CDS1: variants seen among roughly 807,000 people sequenced by gnomAD.
The protein encoded by CDS1 is phosphatidate cytidylyltransferase 1.
CDS1 carries 41 observed loss-of-function variants against 62.1 expected under a neutral mutation model. The ratio of observed to expected loss-of-function variants is 0.66; its 90% CI spans 0.51 to 0.86. The LOEUF is 0.86. CDS1 is among the 40% of genes least tolerant of loss of function. The pLI is 0.00. For synonymous variants in CDS1, 185 were observed against 192.6 expected, an observed-to-expected ratio of 0.96 and a Z score of 0.32; for missense variants, 470 against 550.1, an observed-to-expected ratio of 0.85 and a Z score of 1.46.
rs568007423 is a variant in CDS1, at chr4:84,599,186, G to A, written c.118-5057G>A. ...GACAGATAACTTGCTGTGTCCTCCC[G>A]TGGTGGAGAGATTATTTCTTGTGCC... On this transcript the variant is annotated intron_variant, in intron 1 of 12. Coordinates refer to ENST00000295887, the MANE Select transcript of CDS1 (RefSeq NM_001263.4). Among the ~76,000 whole-genome samples, 9 of 152,010 alleles carry A rather than the reference G, an allele frequency of 5.9e-5. No individual in the cohort carries two copies. In the South Asian group the frequency reaches 1.0e-3, roughly 18 times the overall value.
Position 84,621,190 on chromosome 4 carries a change from A to C in CDS1, c.580+1657A>C, listed in dbSNP as rs556684712. On this transcript the variant is annotated intron_variant, in intron 5 of 12. Transcript: ENST00000295887. Reference sequence around the variant, plus strand: ...TTTATTGTTATTTTCACTTTAAAAGAAGGACATGAAGTTTGTTTGTGAGTT... The same window carrying C: ...TTTATTGTTATTTTCACTTTAAAAGCAGGACATGAAGTTTGTTTGTGAGTT... Among the ~76,000 whole-genome samples, 173 of 152,370 alleles carry C rather than the reference A, an allele frequency of 1.1e-3. 1 individual carries two copies. Among genetic ancestry groups the C allele is most frequent in the Middle Eastern group, 6.8e-3 (2 of 294 alleles).
intron 9 of CDS1, among the ~76,000 whole-genome samples, chr4:84,639,952 C>T (rs542753430): frequency 4.0e-5 from 6 of 151,370 alleles, no homozygotes; most frequent in Admixed American, 1.3e-4. Context: ...CATTACAAAG[C>T]GAGAATAATT....
chr4:84,619,372 G>T, intron 4 of CDS1, 22 bp from the exon 5 acceptor site: 1 of 1,340,230 alleles, frequency 7.5e-7, no homozygotes, highest in Non-Finnish European at 1.0e-6. Flanking sequence ...ATATAGAAAA[G>T]CTAATTGTTT....
rs1396891629 is a variant in CDS1, at chr4:84,633,957, T to C, written c.722+18T>C. On this transcript the variant is annotated intron_variant, in intron 7 of 12. Coordinates refer to ENST00000295887, the MANE Select transcript of CDS1 (RefSeq NM_001263.4). Reference sequence around the variant, plus strand: ...ATGATATGGTAAGGCAACAGAATTATGCTGCTTTATAAGTATGTCATAGCA... The same window carrying C: ...ATGATATGGTAAGGCAACAGAATTACGCTGCTTTATAAGTATGTCATAGCA... 1.4e-6 allele frequency: 2 copies of C among 1,470,712 alleles called. No homozygotes were observed. The highest frequency in any genetic ancestry group is 1.4e-5 in the African/African-American group (1 of 71,338). 91.1% of individuals were successfully genotyped at this position (1,470,712 alleles called of 1,614,324 possible).
chr4:84,611,518 TAA>T (rs1216738499), intron 3 of CDS1, among the ~76,000 whole-genome samples: 6 of 152,176 alleles, frequency 3.9e-5, no homozygotes, highest in Non-Finnish European at 7.3e-5. Context: ...TATAAAAGAA[TAA>T]GTTTTGATGT....
At chr4:84,600,835 A>C (rs1235809440) in intron 1 of CDS1, among the ~76,000 whole-genome samples, 1 of 152,156 alleles carries the variant, frequency 6.6e-6, no homozygotes, top group Non-Finnish European at 1.5e-5. Context: ...TTACAGAAGA[A>C]GGTGATGCTC....
Position 84,603,758 on chromosome 4 carries a change from C to T in CDS1, c.118-485C>T, listed in dbSNP as rs1017900805. Among the ~76,000 whole-genome samples the T allele has an allele frequency of 2.0e-5, 3 of 152,178 alleles. No homozygotes were observed. In the East Asian group the frequency reaches 5.8e-4, roughly 29 times the overall value. On this transcript the variant is annotated intron_variant, in intron 1 of 12. Coordinates refer to ENST00000295887, the MANE Select transcript of CDS1 (RefSeq NM_001263.4). The stretch of plus-strand genomic sequence containing the variant: ...GAGATGAGGTCCATTTGACCTGCTT[C>T]AATTGGGATTCTCTCTTGAGGATCT...
intron 2 of CDS1, among the ~76,000 whole-genome samples, chr4:84,606,919 C>T (rs1299506862): frequency 2.6e-5 from 4 of 152,132 alleles, no homozygotes; most frequent in Non-Finnish European, 4.4e-5. Flanking sequence ...ACTAGATTTG[C>T]GACCTAGCCC....
intron 12 of CDS1, among the ~76,000 whole-genome samples, chr4:84,645,734 G>A (rs1724537450): frequency 6.6e-6 from 1 of 152,104 alleles, no homozygotes; most frequent in Non-Finnish European, 1.5e-5. Flanking sequence ...GGACAAATAT[G>A]GCAGAGAACA....
At chr4:84,644,506 G>GT (rs921825560) in intron 11 of CDS1, among the ~76,000 whole-genome samples, 4 of 151,946 alleles carry the variant, frequency 2.6e-5, no homozygotes, top group South Asian at 2.1e-4. Context: ...TAAATGGTGA[G>GT]TTTTTTTTGC....
chr4:84,589,419 G>A (rs1722513700), intron 1 of CDS1, among the ~76,000 whole-genome samples: 1 of 152,186 alleles, frequency 6.6e-6, no homozygotes, highest in South Asian at 2.1e-4. Context: ...AGGTTGTGCT[G>A]ATGTCACCTG....
At chr4:84,603,892 G>C (rs981918932) in intron 1 of CDS1, among the ~76,000 whole-genome samples, 1 of 152,094 alleles carries the variant, frequency 6.6e-6, no homozygotes, top group African/African-American at 2.4e-5. Context: ...ATTTAAAAAG[G>C]GACTCAACAG....
chr4:84,602,205 C>T (rs568810403), intron 1 of CDS1, among the ~76,000 whole-genome samples: 2 of 152,074 alleles, frequency 1.3e-5, no homozygotes, highest in East Asian at 3.9e-4. Context: ...GTCTTGTATT[C>T]TTTAATTACT....
intron 1 of CDS1, among the ~76,000 whole-genome samples, chr4:84,590,052 C>T (rs1222369252): frequency 6.6e-6 from 1 of 152,194 alleles, no homozygotes; most frequent in Non-Finnish European, 1.5e-5. Flanking sequence ...ACCTTGTGAT[C>T]TGCCCGCCTT....
At chr4:84,642,424 A>G (rs1724414835) in intron 10 of CDS1, among the ~76,000 whole-genome samples, 1 of 152,186 alleles carries the variant, frequency 6.6e-6, no homozygotes, top group Admixed American at 6.5e-5. Context: ...GATTATTTAA[A>G]AAGGAGCAAG....
intron 5 of CDS1, among the ~76,000 whole-genome samples, chr4:84,624,961 G>A (rs1015410011): frequency 2.0e-5 from 3 of 151,874 alleles, no homozygotes; most frequent in African/African-American, 7.3e-5. Context: ...CCTGGGTTCA[G>A]GTGATTCTCA....
At chr4:84,591,087 T>C (rs1722578931) in intron 1 of CDS1, among the ~76,000 whole-genome samples, 1 of 152,150 alleles carries the variant, frequency 6.6e-6, no homozygotes, top group Non-Finnish European at 1.5e-5. Context: ...CAAAATATAC[T>C]GGGGAAAAGT....
At chr4:84,629,129 A>G (rs1038340614) in intron 5 of CDS1, among the ~76,000 whole-genome samples, 1 of 152,220 alleles carries the variant, frequency 6.6e-6, no homozygotes, top group Non-Finnish European at 1.5e-5. Context: ...CTATGGATCC[A>G]ATTGTACAAA....
intron 9 of CDS1, among the ~76,000 whole-genome samples, chr4:84,639,321 G>A (rs937460737): frequency 1.7e-4 from 26 of 152,304 alleles, no homozygotes; most frequent in African/African-American, 5.5e-4. Context: ...CAGCTATTCT[G>A]CCTTAGGCGG....
Sources: gnomAD v4.1 joint callset for allele counts (sites outside exome capture counted in the v4.1 genomes callset) on GRCh38, gnomAD v4.1.1 for gene constraint, MANE v1.5 for transcripts, NCBI Gene and HGNC (gene_info 2026-07-23, HGNC 2026-07-21) for gene names.